Variants in PRR16 observed in about 807,000 individuals in gnomAD.
The protein encoded by PRR16 is protein Largen.
Under a neutral mutation model 18.2 loss-of-function variants are expected in PRR16, and 6 were observed. The ratio of observed to expected loss-of-function variants is 0.33; its 90% CI spans 0.18 to 0.65. The LOEUF is 0.65. Among genes scored for constraint, PRR16 ranks in the 30% least tolerant of loss-of-function variants. The pLI, the probability that PRR16 is intolerant of heterozygous loss-of-function variation, is 0.74. For synonymous variants in PRR16, 151 were observed against 147.8 expected, an observed-to-expected ratio of 1.02 and a Z score of -0.16; for missense variants, 412 against 376.6, an observed-to-expected ratio of 1.09 and a Z score of -0.78.
chr5:120,749,095 T>A, the PRR16 span, among the ~76,000 whole-genome samples: 5 of 152,090 alleles, frequency 3.3e-5, no homozygotes, highest in Non-Finnish European at 7.4e-5. Flanking sequence ...TAACATGTAA[T>A]GAAAATTTTC....
the PRR16 span, among the ~76,000 whole-genome samples, chr5:120,760,223 G>A: frequency 1.3e-5 from 2 of 152,078 alleles, no homozygotes; most frequent in Non-Finnish European, 2.9e-5. Context: ...GAGGATGGTA[G>A]AATGAGCCAT....
Position 120,493,539 on chromosome 5 carries a change from C to T in PRR16, c.159+28894C>T, listed in dbSNP as rs1232978764. 3.9e-5 allele frequency among the ~76,000 whole-genome samples: 6 copies of T among 152,036 alleles called. No homozygotes were observed. In the East Asian group the frequency reaches 1.2e-3, roughly 29 times the overall value. Reference sequence around the variant, plus strand: ...TGCAGAGAGATCCCATTTCTCTTTACCCAATTTCCTCCAGTGGTAACATCT... The same window carrying T: ...TGCAGAGAGATCCCATTTCTCTTTATCCAATTTCCTCCAGTGGTAACATCT... On this transcript the variant is annotated intron_variant, in intron 1 of 1. Coordinates refer to ENST00000407149, the MANE Select transcript of PRR16 (RefSeq NM_001300783.2).
At chr5:120,755,077 T>G in the PRR16 span, among the ~76,000 whole-genome samples, 1 of 151,452 alleles carries the variant, frequency 6.6e-6, no homozygotes, top group Non-Finnish European at 1.5e-5. Flanking sequence ...CATTAGGAGA[T>G]ATACCTAATG....
intron 1 of PRR16, among the ~76,000 whole-genome samples, chr5:120,583,243 G>A (rs961544634): frequency 6.6e-6 from 1 of 152,134 alleles, no homozygotes; most frequent in Non-Finnish European, 1.5e-5. Context: ...CCAGATTTAA[G>A]AAGGGAGCAT....
chr5:120,591,375 A>G (rs537513832), intron 1 of PRR16, among the ~76,000 whole-genome samples: 2 of 152,228 alleles, frequency 1.3e-5, no homozygotes, highest in Non-Finnish European at 2.9e-5. Flanking sequence ...GAGAATATAT[A>G]TGTATATTCC....
At chr5:120,768,402 A>G in the PRR16 span, among the ~76,000 whole-genome samples, 1 of 141,834 alleles carries the variant, frequency 7.1e-6, no homozygotes, top group Non-Finnish European at 1.6e-5. Flanking sequence ...TAGTATTTTA[A>G]GCAATGATTT....
intron 1 of PRR16, among the ~76,000 whole-genome samples, chr5:120,497,949 T>C (rs1426541184): frequency 6.6e-6 from 1 of 151,768 alleles, no homozygotes; most frequent in Non-Finnish European, 1.5e-5. Flanking sequence ...TGTGAGTTTT[T>C]AATAGACAGA....
the PRR16 span, among the ~76,000 whole-genome samples, chr5:120,698,874 C>A: frequency 4.6e-5 from 7 of 152,126 alleles, no homozygotes; most frequent in African/African-American, 1.7e-4. Flanking sequence ...ATACTAAGAG[C>A]CTGAAAAACT....
chr5:120,627,290 G>A lies in PRR16; in HGVS notation c.160-58664G>A, dbSNP rs573036725. Among the ~76,000 whole-genome samples, 4 of 152,194 alleles carry A rather than the reference G, an allele frequency of 2.6e-5. No homozygotes were observed. The East Asian group carries it at 5.8e-4, about 22-fold the overall frequency. On this transcript the variant is annotated intron_variant, in intron 1 of 1. Coordinates refer to ENST00000407149, the MANE Select transcript of PRR16 (RefSeq NM_001300783.2). ...TCTTATACAATCTGTACATGATCCT[G>A]CTATGCTGCACTCATTGCTCAAATT... is the stretch of plus-strand genomic sequence containing the variant.
chr5:120,486,676 T>G (rs1208391367), intron 1 of PRR16, among the ~76,000 whole-genome samples: 1 of 152,216 alleles, frequency 6.6e-6, no homozygotes, highest in East Asian at 1.9e-4. Context: ...CATTTTTGTC[T>G]TTTGTTGCCA....
At chr5:120,702,391 G>C in the PRR16 span, among the ~76,000 whole-genome samples, 1,024 of 152,004 alleles carry the variant, frequency 6.7e-3, 20 homozygotes, top group African/African-American at 0.024. Flanking sequence ...AGTGGGACTT[G>C]CCGCTAAGAG....
At chr5:120,483,972 T>C (rs1749705018) in intron 1 of PRR16, among the ~76,000 whole-genome samples, 1 of 152,040 alleles carries the variant, frequency 6.6e-6, no homozygotes, top group Non-Finnish European at 1.5e-5. Flanking sequence ...TTTCAGCCTA[T>C]AGTAGATTGT....
the PRR16 span, among the ~76,000 whole-genome samples, chr5:120,733,663 G>C: frequency 6.6e-6 from 1 of 152,052 alleles, no homozygotes; most frequent in African/African-American, 2.4e-5. Flanking sequence ...TTATGCAACT[G>C]GGAAGCGGCT....
At chr5:120,731,927 GCCCTGAA>G in the PRR16 span, among the ~76,000 whole-genome samples, 1 of 152,130 alleles carries the variant, frequency 6.6e-6, no homozygotes, top group Non-Finnish European at 1.5e-5. Flanking sequence ...TGGTGAAAAG[GCCCTGAA>G]CATAGCTGGC....
intron 1 of PRR16, among the ~76,000 whole-genome samples, chr5:120,623,186 G>T (rs575830008): frequency 6.6e-6 from 1 of 151,984 alleles, no homozygotes; most frequent in Non-Finnish European, 1.5e-5. Context: ...AGATTCCTCA[G>T]TGAGGAAAGA....
the PRR16 span, among the ~76,000 whole-genome samples, chr5:120,733,124 G>T: frequency 6.6e-6 from 1 of 152,066 alleles, no homozygotes; most frequent in Non-Finnish European, 1.5e-5. Context: ...TAATGTGGTG[G>T]TATCTTTGGA....
At chr5:120,473,442 C>T (rs1749334440) in intron 1 of PRR16, among the ~76,000 whole-genome samples, 1 of 152,054 alleles carries the variant, frequency 6.6e-6, no homozygotes, top group African/African-American at 2.4e-5. Context: ...CAATATTGAG[C>T]ACATTATTTA....
intron 1 of PRR16, among the ~76,000 whole-genome samples, chr5:120,639,341 A>G (rs890069209): frequency 6.6e-6 from 1 of 152,100 alleles, no homozygotes; most frequent in African/African-American, 2.4e-5. Context: ...ACTGAATAGG[A>G]AGAACATTTT....
chr5:120,605,535 T>C (rs1486631224), intron 1 of PRR16, among the ~76,000 whole-genome samples: 1 of 152,184 alleles, frequency 6.6e-6, no homozygotes, highest in Non-Finnish European at 1.5e-5. Flanking sequence ...CATTTCCATC[T>C]GGTTAAGAAT....
Sources: gnomAD v4.1 joint callset for allele counts (sites outside exome capture counted in the v4.1 genomes callset) on GRCh38, gnomAD v4.1.1 for gene constraint, MANE v1.5 for transcripts, NCBI Gene and HGNC (gene_info 2026-07-23, HGNC 2026-07-21) for gene names.